Variants in ZNF454 observed in about 807,000 individuals in gnomAD.
ZNF454 encodes the protein zinc finger protein 454.
Under a neutral mutation model 48.2 loss-of-function variants are expected in ZNF454, and 30 were observed. The observed-to-expected ratio is 0.62, with a 90% CI of 0.47 to 0.84. ZNF454 has a LOEUF of 0.84. Among genes scored for constraint, ZNF454 ranks in the 40% least tolerant of loss-of-function variants. The probability of loss-of-function intolerance (pLI) is 0.00; values close to 1 mark genes in which losing one functional copy is unlikely to be tolerated. For missense variants in ZNF454, 510 were observed against 623.1 expected (o/e 0.82, Z 1.93); for synonymous variants, 204 against 211.4 (o/e 0.97, Z 0.30).
downstream of ZNF454, among the ~76,000 whole-genome samples, chr5:178,970,187 C>T (rs992361668): frequency 2.0e-5 from 3 of 152,136 alleles, no homozygotes; most frequent in Non-Finnish European, 4.4e-5. Context: ...AATCCAAGAA[C>T]GCCATAGCCT....
chr5:178,973,557 G>A, the ZNF454 span, among the ~76,000 whole-genome samples: 30 of 152,090 alleles, frequency 2.0e-4, no homozygotes, highest in Admixed American at 1.2e-3. Context: ...AATAGAGGTT[G>A]ACTGGGCCGG....
At chr5:178,975,750 T>G in the ZNF454 span, 1 of 398,412 alleles carries the variant, frequency 2.5e-6, no homozygotes, top group African/African-American at 2.1e-5. Context: ...GGTACTCAGT[T>G]ACTTAATCAA....
the ZNF454 span, among the ~76,000 whole-genome samples, chr5:178,984,961 ACATCCAGGG>A: frequency 2.6e-5 from 4 of 152,156 alleles, no homozygotes; most frequent in East Asian, 7.8e-4. Context: ...CACACAGAAA[ACATCCAGGG>A]CGCCCCAGAC....
At chr5:178,989,148 T>C in the ZNF454 span, 8 of 1,612,790 alleles carry the variant, frequency 5.0e-6, no homozygotes, top group Non-Finnish European at 6.8e-6. Flanking sequence ...GTCCTAGGGA[T>C]GCCCAGAGAA....
the ZNF454 span, among the ~76,000 whole-genome samples, chr5:178,975,070 G>T: frequency 6.6e-6 from 1 of 152,184 alleles, no homozygotes; most frequent in Non-Finnish European, 1.5e-5. Context: ...CACTTTGGGA[G>T]GCCATGGCAG....
the ZNF454 span, among the ~76,000 whole-genome samples, chr5:178,972,421 C>T: frequency 6.6e-6 from 1 of 151,584 alleles, no homozygotes; most frequent in Non-Finnish European, 1.5e-5. Context: ...CCCCTAGAAG[C>T]ATTCTGGGCC....
chr5:178,965,252 G>A lies in ZNF454; in HGVS notation c.848G>A (p.Arg283Gln), dbSNP rs371185640. 3.2e-5 allele frequency: 51 copies of A among 1,613,988 alleles called. No homozygotes were observed. The African/African-American group carries it at 3.7e-4, about 12-fold the overall frequency. ...AACTTATGTGGAAAAGCTTTTATCC[G>A]AAATATACACCTTGCCCATCATCAT... ...ECNLCGKAFI[R>Q]NIHLAHHHRI... The change falls in exon 5 of 5, where the codon CGA (arginine) becomes CAA (glutamine). Residue 283 changes from arginine to glutamine, a missense_variant. Transcript: ENST00000519564. The surrounding 1 kb of genome is among the most constrained non-coding windows in gnomAD (Gnocchi z 5.2).
At chr5:178,973,111 T>TTC in the ZNF454 span, among the ~76,000 whole-genome samples, 5 of 149,168 alleles carry the variant, frequency 3.4e-5, no homozygotes, top group East Asian at 6.1e-4. Flanking sequence ...TCCTTCCTTT[T>TTC]GCTGTCTCTC....
chr5:178,973,647 T>C, the ZNF454 span, among the ~76,000 whole-genome samples: 1 of 152,030 alleles, frequency 6.6e-6, no homozygotes, highest in East Asian at 1.9e-4. Context: ...ATTGAGACCA[T>C]CCTGGCTAAC....
intron 4 of ZNF454, among the ~76,000 whole-genome samples, chr5:178,959,669 A>T (rs993812357): frequency 4.7e-5 from 7 of 148,492 alleles, no homozygotes; most frequent in African/African-American, 1.7e-4. Flanking sequence ...GCAGTGGCAC[A>T]ATCTCAGCTC....
At chr5:178,943,860 C>T (rs1348296407) in intron 2 of ZNF454, among the ~76,000 whole-genome samples, 3 of 152,000 alleles carry the variant, frequency 2.0e-5, no homozygotes, top group Non-Finnish European at 2.9e-5. Flanking sequence ...CCCGTCTCTA[C>T]TAAAATTACA....
intron 1 of ZNF454, 83 bp from the exon 2 acceptor site, chr5:178,942,602 T>C (rs964440888): frequency 1.8e-6 from 1 of 562,722 alleles, no homozygotes; most frequent in Non-Finnish European, 3.1e-6. Flanking sequence ...CTTGGGGTAC[T>C]GGAGGCCTCC....
chr5:178,986,801 G>C, the ZNF454 span: 1 of 1,612,526 alleles, frequency 6.2e-7, no homozygotes, highest in East Asian at 2.2e-5. Flanking sequence ...CGGGATCCTG[G>C]GCCCATGCCC....
In ZNF454 at chr5:178,946,458, G is replaced by C. The variant is rs750556119; in HGVS notation, c.133G>C (p.Glu45Gln). Residue 45 changes from glutamate to glutamine, a missense_variant, in exon 3 of 5, where the codon GAG becomes CAG. Physicochemically the swap from Glu to Gln is conservative, Grantham distance 29 (BLOSUM62 2). Coordinates refer to ENST00000519564, the MANE Select transcript of ZNF454 (RefSeq NM_001178089.3). The surrounding 1 kb of genome is among the most constrained non-coding windows in gnomAD (Gnocchi z 4.5). ...QRALYRDVML[E>Q]NYSNLVSLGL... ...GGCCCTGTACAGGGACGTGATGCTG[G>C]AGAACTACAGCAACCTGGTCTCACT... The C allele has an allele frequency of 6.2e-7, 1 of 1,602,942 alleles. No individual in the cohort carries two copies. Among genetic ancestry groups the C allele is most frequent in the Non-Finnish European group, 8.5e-7 (1 of 1,177,234 alleles).
At chr5:178,989,538 T>C in the ZNF454 span, 1 of 1,135,356 alleles carries the variant, frequency 8.8e-7, no homozygotes, top group Non-Finnish European at 1.3e-6. Flanking sequence ...GAACTAGGCA[T>C]GGCCAGGTGA....
At chr5:178,956,677 TTATTTA>T (rs1759768282) in intron 4 of ZNF454, among the ~76,000 whole-genome samples, 2 of 53,004 alleles carry the variant, frequency 3.8e-5, no homozygotes, top group African/African-American at 2.0e-4. Context: ...TTTATTTAAT[TTATTTA>T]TTTATTTATT....
chr5:178,956,926 C>G (rs1219892879), intron 4 of ZNF454: 1 of 309,808 alleles, frequency 3.2e-6, no homozygotes, highest in East Asian at 1.4e-4. Context: ...ACTCTGTTAC[C>G]AAGCTGGAGT....
At chr5:178,985,714 A>AAAAAAAACAACACAGGAAC in the ZNF454 span, 1 of 388,482 alleles carries the variant, frequency 2.6e-6, no homozygotes, top group Non-Finnish European at 5.0e-6. Context: ...AAAAAAAAAA[A>AAAAAAAACAACACAGGAAC]CAAAACAACA....
chr5:178,987,401 A>G, the ZNF454 span: 79 of 460,276 alleles, frequency 1.7e-4, no homozygotes, highest in Non-Finnish European at 3.1e-4. Flanking sequence ...ACAAGATGAA[A>G]GCAACCCGAG....
Sources: gnomAD v4.1 joint callset for allele counts (sites outside exome capture counted in the v4.1 genomes callset) on GRCh38, gnomAD v4.1.1 for gene constraint, Gnocchi (gnomAD v3.1) non-coding constraint, MANE v1.5 for transcripts, NCBI Gene and HGNC (gene_info 2026-07-23, HGNC 2026-07-21) for gene names.